The following CACNA2D3 variants were observed in gnomAD, a reference collection of about 807,000 sequenced individuals.
The protein encoded by CACNA2D3 is voltage-dependent calcium channel subunit alpha-2/delta-3.
CACNA2D3 carries 60 observed loss-of-function variants against 160.6 expected under a neutral mutation model. The observed-to-expected ratio is 0.37, with a 90% CI of 0.30 to 0.46. The LOEUF (loss-of-function observed/expected upper bound fraction) is 0.46. Ranked by LOEUF, CACNA2D3 falls within the 20% of genes least tolerant of loss-of-function variation. The pLI, the probability that CACNA2D3 is intolerant of heterozygous loss-of-function variation, is 1.00. For synonymous variants in CACNA2D3, 558 were observed against 492.9 expected (o/e 1.13, Z -1.75); for missense variants, 1,205 against 1,365.0 (o/e 0.88, Z 1.85).
At chr3:54,936,660 A>G (rs1180641546) in intron 27 of CACNA2D3, among the ~76,000 whole-genome samples, 2 of 152,118 alleles carry the variant, frequency 1.3e-5, no homozygotes, top group Non-Finnish European at 2.9e-5. Flanking sequence ...GTGATTTTTT[A>G]AGGCTTCCCT....
chr3:54,280,080 A>G (rs768632698), intron 2 of CACNA2D3, among the ~76,000 whole-genome samples: 47 of 150,420 alleles, frequency 3.1e-4, no homozygotes, highest in South Asian at 1.5e-3. Flanking sequence ...TTATTTATTT[A>G]TTTATTTATT....
chr3:54,942,604 A>G (rs1701500053), intron 27 of CACNA2D3, among the ~76,000 whole-genome samples: 1 of 152,186 alleles, frequency 6.6e-6, no homozygotes, highest in African/African-American at 2.4e-5. Flanking sequence ...AAAAAGAAGC[A>G]GGAGCCAGGC....
At chr3:54,208,895 G>A (rs577401313) in intron 2 of CACNA2D3, among the ~76,000 whole-genome samples, 90 of 152,270 alleles carry the variant, frequency 5.9e-4, no homozygotes, top group African/African-American at 2.0e-3. Context: ...GTTCCATGTG[G>A]CTGGGGAGGC....
intron 14 of CACNA2D3, among the ~76,000 whole-genome samples, chr3:54,833,059 A>G (rs142807978): frequency 5.9e-5 from 9 of 152,348 alleles, no homozygotes; most frequent in Admixed American, 2.0e-4. Context: ...ATGCATATTC[A>G]TATGAGCCTA....
At chr3:54,569,440 T>TA (rs1553729805) in intron 6 of CACNA2D3, among the ~76,000 whole-genome samples, 7 of 151,900 alleles carry the variant, frequency 4.6e-5, no homozygotes. Context: ...CTATGGATGA[T>TA]CCCCCCAGGT....
chr3:54,610,137 G>A (rs1005173480), intron 9 of CACNA2D3, among the ~76,000 whole-genome samples: 2 of 151,946 alleles, frequency 1.3e-5, no homozygotes, highest in African/African-American at 2.4e-5. Context: ...TTATAAAAAC[G>A]CTAGATTAGG....
chr3:54,389,661 G>A (rs1278628047), intron 4 of CACNA2D3, among the ~76,000 whole-genome samples: 4 of 152,184 alleles, frequency 2.6e-5, no homozygotes, highest in East Asian at 1.9e-4. Flanking sequence ...TGCCCAAAAT[G>A]TGTAGCCTGA....
intron 13 of CACNA2D3, among the ~76,000 whole-genome samples, chr3:54,793,508 C>T (rs1043805429): frequency 6.6e-6 from 1 of 152,194 alleles, no homozygotes; most frequent in Non-Finnish European, 1.5e-5. Context: ...CCTCAGCATA[C>T]CAAATCTTCA....
At position 54,929,340 on chromosome 3, in the gene CACNA2D3, C is replaced by T. The variant is rs1261823634; in HGVS notation, c.2449+29472C>T. Reference sequence around the variant, plus strand: ...AAGGCTTTCAGGATTTGTATGCTGCCAACTTCTGAGGACAACCTGGACCGG... The same window carrying T: ...AAGGCTTTCAGGATTTGTATGCTGCTAACTTCTGAGGACAACCTGGACCGG... On this transcript the variant is annotated intron_variant, in intron 27 of 37. Coordinates refer to ENST00000474759, the MANE Select transcript of CACNA2D3 (RefSeq NM_018398.3). Among the ~76,000 whole-genome samples the T allele has an allele frequency of 2.6e-5, 4 of 152,160 alleles. No homozygotes were observed. The East Asian group carries it at 7.7e-4, about 29-fold the overall frequency.
At chr3:54,304,106 T>A (rs563907375) in intron 2 of CACNA2D3, among the ~76,000 whole-genome samples, 8 of 152,248 alleles carry the variant, frequency 5.3e-5, no homozygotes, top group Non-Finnish European at 1.2e-4. Flanking sequence ...TGCAGGATGT[T>A]TAGCAGCATC....
chr3:54,767,639 T>C (rs1009716919), intron 13 of CACNA2D3, among the ~76,000 whole-genome samples: 3 of 152,056 alleles, frequency 2.0e-5, no homozygotes, highest in South Asian at 2.1e-4. Context: ...CTTAGAGTAA[T>C]TGCTTATTCC....
At chr3:55,017,969 G>A (rs1703363550) in intron 34 of CACNA2D3, among the ~76,000 whole-genome samples, 1 of 152,166 alleles carries the variant, frequency 6.6e-6, no homozygotes, top group Non-Finnish European at 1.5e-5. Flanking sequence ...TAGAATTCTT[G>A]TGATGCATAA....
intron 30 of CACNA2D3, 58 bp from the exon 31 acceptor site, chr3:54,987,625 C>T (rs1702643928): frequency 1.8e-6 from 2 of 1,110,024 alleles, no homozygotes; most frequent in South Asian, 2.9e-5. Context: ...TTCATTTCTT[C>T]TCTCCTGTTT....
chr3:54,917,782 C>T (rs62254545), intron 27 of CACNA2D3, among the ~76,000 whole-genome samples: 19,420 of 152,122 alleles, frequency 0.13, 1,265 homozygotes, highest in Middle Eastern at 0.16. Flanking sequence ...AGAAAACTTC[C>T]CCAGACTCAG....
intron 26 of CACNA2D3, among the ~76,000 whole-genome samples, chr3:54,898,019 G>C (rs1208473748): frequency 6.6e-6 from 1 of 152,130 alleles, no homozygotes; most frequent in Non-Finnish European, 1.5e-5. Context: ...CCTGCCTGTA[G>C]TTGTGTGTGC....
intron 4 of CACNA2D3, among the ~76,000 whole-genome samples, chr3:54,401,942 TAAG>T (rs1433067550): frequency 6.6e-6 from 1 of 152,154 alleles, no homozygotes; most frequent in Non-Finnish European, 1.5e-5. Context: ...TACCATTAAT[TAAG>T]AAATGCTTAA....
At chr3:54,687,674 A>G (rs534598632) in intron 11 of CACNA2D3, among the ~76,000 whole-genome samples, 9 of 152,312 alleles carry the variant, frequency 5.9e-5, no homozygotes, top group African/African-American at 2.2e-4. Context: ...ACAACACTGA[A>G]CAGAGAGGCA....
At chr3:54,153,778 G>A (rs571425645) in intron 2 of CACNA2D3, among the ~76,000 whole-genome samples, 1 of 152,074 alleles carries the variant, frequency 6.6e-6, no homozygotes, top group African/African-American at 2.4e-5. Context: ...TTTTTAAATG[G>A]AAGTTCCAAC....
rs1324920958 is a variant in CACNA2D3 at position 54,642,094 on chromosome 3, A to C, written c.1054-34A>C. 10 of 1,358,318 alleles carry C rather than the reference A, an allele frequency of 7.4e-6. No homozygotes were observed. In the South Asian group the frequency reaches 1.2e-4, roughly 16 times the overall value. The allele number at this position is 1,358,318 out of a possible 1,614,324, so 84.1% of individuals were successfully genotyped here. ...TCACTGATACACAGAATTCTCTGAT[A>C]TGTATACTATTTTGAACTTATTTCT... On this transcript the variant is annotated intron_variant, in intron 10 of 37. Coordinates refer to ENST00000474759, the MANE Select transcript of CACNA2D3 (RefSeq NM_018398.3).
Sources: gnomAD v4.1 joint callset for allele counts (sites outside exome capture counted in the v4.1 genomes callset) on GRCh38, gnomAD v4.1.1 for gene constraint, MANE v1.5 for transcripts, NCBI Gene and HGNC (gene_info 2026-07-23, HGNC 2026-07-21) for gene names.